Variants in MPHOSPH9 observed in about 807,000 individuals in gnomAD.
MPHOSPH9 encodes M-phase phosphoprotein 9.
A neutral mutation model predicts 145.5 loss-of-function variants in MPHOSPH9; 88 were observed. The ratio of observed to expected loss-of-function variants is 0.60; its 90% CI spans 0.51 to 0.72. The LOEUF (loss-of-function observed/expected upper bound fraction) is 0.72, where lower values mean the gene tolerates loss of function less well. Ranked by LOEUF, MPHOSPH9 falls within the 30% of genes least tolerant of loss-of-function variation. MPHOSPH9 has a pLI of 0.00. For missense variants in MPHOSPH9, 1,238 were observed against 1,386.6 expected, an observed-to-expected ratio of 0.89 and a Z score of 1.70; for synonymous variants, 435 against 486.2, an observed-to-expected ratio of 0.89 and a Z score of 1.39.
chr12:123,196,582 A>G (rs936147722), intron 12 of MPHOSPH9, among the ~76,000 whole-genome samples: 4 of 152,196 alleles, frequency 2.6e-5, no homozygotes, highest in African/African-American at 9.7e-5. Flanking sequence ...GAAAGAAAAA[A>G]AGTTACCTGT....
upstream of MPHOSPH9, among the ~76,000 whole-genome samples, chr12:123,237,851 G>C (rs1485467411): frequency 6.6e-6 from 1 of 151,990 alleles, no homozygotes; most frequent in Non-Finnish European, 1.5e-5. Context: ...GAAAGACAGG[G>C]AAATGCTACT....
intron 8 of MPHOSPH9, among the ~76,000 whole-genome samples, chr12:123,206,202 A>T (rs1413161696): frequency 6.6e-6 from 1 of 152,056 alleles, no homozygotes; most frequent in Non-Finnish European, 1.5e-5. Flanking sequence ...TAATCCCAGC[A>T]CTTTGGGAGG....
chr12:123,226,299 G>A, intron 3 of MPHOSPH9: 1 of 1,133,432 alleles, frequency 8.8e-7, no homozygotes, highest in Non-Finnish European at 1.1e-6. Context: ...CTTAGCAGTT[G>A]CTGCTATCGA....
intron 14 of MPHOSPH9, 127 bp from the exon 15 acceptor site, chr12:123,180,117 G>T: frequency 1.9e-6 from 1 of 521,290 alleles, no homozygotes; most frequent in Non-Finnish European, 3.3e-6. Flanking sequence ...AGCAAGTATG[G>T]CATCAACCAT....
chr12:123,174,090 T>C (rs1359705183), intron 16 of MPHOSPH9, among the ~76,000 whole-genome samples: 3 of 152,202 alleles, frequency 2.0e-5, no homozygotes, highest in African/African-American at 7.2e-5. Flanking sequence ...GCTCGCTTGC[T>C]GGTGAGGAGA....
Position 123,166,639 on chromosome 12 carries a change from AG to A in MPHOSPH9, c.2591+15del, listed in dbSNP as rs2044333130. On this transcript the variant is annotated intron_variant, in intron 17 of 23. Transcript: ENST00000606320. ...CATAACATCCCTAAATAGAATCTTTAGCAAAGTTATCTCACCCTAGGCTACA... is the reference window on the plus strand; with the variant it reads ...CATAACATCCCTAAATAGAATCTTTACAAAGTTATCTCACCCTAGGCTACA... The A allele has an allele frequency of 1.9e-6, 3 of 1,608,942 alleles. No homozygotes were observed. Among genetic ancestry groups the A allele is most frequent in the African/African-American group, 1.3e-5 (1 of 74,664 alleles).
At chr12:123,204,131 T>C (rs1370506317) in intron 8 of MPHOSPH9, among the ~76,000 whole-genome samples, 2 of 152,006 alleles carry the variant, frequency 1.3e-5, no homozygotes, top group Admixed American at 1.3e-4. Context: ...GGAGAAACCC[T>C]GTCTCTACTA....
chr12:123,230,473 T>C lies in MPHOSPH9; in HGVS notation c.-109A>G. On this transcript the variant is annotated 5_prime_UTR_variant, in exon 2 of 24. Coordinates refer to ENST00000606320, the MANE Select transcript of MPHOSPH9 (RefSeq NM_022782.4). ...GAGGCTTCATCATCTACTGGCATTT[T>C]CAGTGGCTAACATTCAGAACTGTGA... 1.8e-6 allele frequency: 1 copy of C among 567,496 alleles called. No individual in the cohort carries two copies. Among genetic ancestry groups the C allele is most frequent in the Non-Finnish European group, 3.0e-6 (1 of 332,004 alleles). The allele number at this position is 567,496 out of a possible 1,614,324, so 35.2% of individuals were successfully genotyped here.
upstream of MPHOSPH9, chr12:123,233,868 C>T (rs1013565486): frequency 6.6e-6 from 1 of 152,518 alleles, no homozygotes. Context: ...CAAAACTGAG[C>T]GGAATGGAGC....
At chr12:123,189,505 A>G (rs1324446293) in intron 13 of MPHOSPH9, among the ~76,000 whole-genome samples, 1 of 152,210 alleles carries the variant, frequency 6.6e-6, no homozygotes, top group Non-Finnish European at 1.5e-5. Context: ...CAAACTGGCA[A>G]AAGGAAAGTG....
In MPHOSPH9 at chr12:123,194,391, G is replaced by T; in HGVS notation, c.2236C>A (p.Gln746Lys). 1 of 1,581,504 alleles carries T rather than the reference G, an allele frequency of 6.3e-7. No homozygotes were observed. The highest frequency in any genetic ancestry group is 1.2e-5 in the South Asian group (1 of 86,474). ...TACTATTATTCGCTACTTACATCTT[G>T]AAACATTTTGTTCTCTTGTTTTAGT... ...AQLKQENKMFQDLLGEYESLG... is the reference protein window; with the variant it reads ...AQLKQENKMFKDLLGEYESLG... Residue 746 changes from glutamine (Q) to lysine (K), a missense_variant, in exon 13 of 24, where the codon CAA (glutamine) becomes AAA (lysine). Around this residue, in one of 3 missense-constraint regions of MPHOSPH9, gnomAD observed 837 missense variants for 897.5 expected, o/e 0.93. Transcript: ENST00000606320.
At chr12:123,224,862 C>T (rs1790104) in intron 3 of MPHOSPH9, among the ~76,000 whole-genome samples, 82,929 of 152,076 alleles carry the variant, frequency 0.55, 27,229 homozygotes, top group Non-Finnish European at 0.71. Context: ...GTACACAATA[C>T]CTGGATCATC....
intron 7 of MPHOSPH9, among the ~76,000 whole-genome samples, chr12:123,212,877 T>C (rs527653036): frequency 1.5e-4 from 22 of 149,952 alleles, no homozygotes; most frequent in African/African-American, 5.1e-4. Context: ...TTTTTTTTTT[T>C]GAGACAGAGT....
intron 16 of MPHOSPH9, among the ~76,000 whole-genome samples, chr12:123,168,363 A>G (rs1412728381): frequency 1.4e-5 from 2 of 141,146 alleles, no homozygotes; most frequent in Non-Finnish European, 3.0e-5. Context: ...TTTTTTTGAG[A>G]CGGAGTCTCG....
chr12:123,235,423 T>TGA (rs1215249720), upstream of MPHOSPH9, among the ~76,000 whole-genome samples: 1 of 151,982 alleles, frequency 6.6e-6, no homozygotes, highest in Non-Finnish European at 1.5e-5. Context: ...TGTGTGTGTG[T>TGA]GACAGAGCTC....
At chr12:123,176,502 T>G (rs1180416430) in intron 16 of MPHOSPH9, among the ~76,000 whole-genome samples, 186 bp downstream of exon 16, 1 of 152,232 alleles carries the variant, frequency 6.6e-6, no homozygotes, top group Non-Finnish European at 1.5e-5. Flanking sequence ...TCCTAAGATA[T>G]TTCCTCATTT....
intron 5 of MPHOSPH9, among the ~76,000 whole-genome samples, chr12:123,220,714 C>G (rs73417342): frequency 0.039 from 5,999 of 152,106 alleles, 386 homozygotes; most frequent in African/African-American, 0.14. Flanking sequence ...TATGATTGCA[C>G]CACGGCACAC....
intron 15 of MPHOSPH9, among the ~76,000 whole-genome samples, 161 bp downstream of exon 15, chr12:123,179,765 C>A (rs2045046197): frequency 6.7e-6 from 1 of 148,788 alleles, no homozygotes; most frequent in African/African-American, 2.5e-5. Flanking sequence ...TCTTGTTTGG[C>A]TAAAATGAAA....
intron 11 of MPHOSPH9, among the ~76,000 whole-genome samples, chr12:123,199,522 T>G (rs1272467879): frequency 6.6e-6 from 1 of 152,184 alleles, no homozygotes; most frequent in Non-Finnish European, 1.5e-5. Context: ...GGCTCACGCC[T>G]GTAATCCCAG....
Sources: allele counts gnomAD v4.1 joint callset (sites outside exome capture counted in the v4.1 genomes callset), GRCh38; gene constraint gnomAD v4.1.1; regional missense constraint gnomAD v4.1.1; transcripts MANE v1.5; gene names NCBI Gene and HGNC (gene_info 2026-07-23, HGNC 2026-07-21).